KCTD19: variants seen among roughly 807,000 people sequenced by gnomAD.
The protein encoded by KCTD19 is BTB/POZ domain-containing protein KCTD19.
In KCTD19, 67 loss-of-function variants were observed where a neutral mutation model predicts 103.5. That is an observed-to-expected ratio of 0.65 (90% CI 0.53 to 0.79). The LOEUF (loss-of-function observed/expected upper bound fraction) is 0.79, where lower values mean the gene tolerates loss of function less well. Among genes scored for constraint, KCTD19 ranks in the 30% least tolerant of loss-of-function variants. KCTD19 has a pLI of 0.00. For synonymous variants in KCTD19, 439 were observed against 452.2 expected (o/e 0.97, Z 0.37); for missense variants, 980 against 1,136.1 (o/e 0.86, Z 1.98).
At chr16:67,295,867 C>T (rs1597393220) in intron 8 of KCTD19, 1 of 395,976 alleles carries the variant, frequency 2.5e-6, no homozygotes, top group East Asian at 5.1e-5. Context: ...GCTTCAGCCT[C>T]CCAAGTATCT....
At chr16:67,309,151 AGAAAG>A (rs2036925305) in intron 2 of KCTD19, among the ~76,000 whole-genome samples, 1 of 151,780 alleles carries the variant, frequency 6.6e-6, no homozygotes, top group South Asian at 2.1e-4. Context: ...AAAAGAAAAA[AGAAAG>A]AAAGAAAGAA....
chr16:67,294,532 GGTA>G, intron 11 of KCTD19, 45 bp downstream of exon 11: 1 of 1,313,516 alleles, frequency 7.6e-7, no homozygotes, highest in East Asian at 2.3e-5. Flanking sequence ...TGAGCCCGGT[GGTA>G]GTGGTTTTTG....
intron 2 of KCTD19, among the ~76,000 whole-genome samples, chr16:67,310,797 T>C (rs561650399): frequency 6.6e-6 from 1 of 152,126 alleles, no homozygotes; most frequent in Admixed American, 6.5e-5. Flanking sequence ...ATGTAGGCTG[T>C]TGGAAAGAAT....
Position 67,296,166 on chromosome 16 carries a change from A to G in KCTD19, c.1241T>C (p.Leu414Pro). The change falls in exon 8 of 16, where the codon CTG becomes CCG. Residue 414 changes from leucine to proline, a missense_variant. By Grantham distance (98) the Leu-to-Pro change is moderately conservative (BLOSUM62 -3). Coordinates refer to ENST00000304372, the MANE Select transcript of KCTD19 (RefSeq NM_001100915.3). ...AGCCGAGGCCGTCAGTACCTTCAGCAGTGTCTGCAGGGTGGTTGCGTACCA... is the reference window on the plus strand; with the variant it reads ...AGCCGAGGCCGTCAGTACCTTCAGCGGTGTCTGCAGGGTGGTTGCGTACCA... ...SHWYATTLQT[L>P]LKYPELLSNP... 2 of 1,602,630 alleles carry G rather than the reference A, an allele frequency of 1.2e-6. No homozygotes were observed. Among genetic ancestry groups the G allele is most frequent in the Non-Finnish European group, 1.7e-6 (2 of 1,169,526 alleles).
At chr16:67,292,020 C>T (rs1016111063) in intron 12 of KCTD19, among the ~76,000 whole-genome samples, 183 bp from the exon 13 acceptor site, 1 of 152,142 alleles carries the variant, frequency 6.6e-6, no homozygotes, top group Non-Finnish European at 1.5e-5. Context: ...ATTACAGGCA[C>T]CTGCCACCAC....
At position 67,325,376 on chromosome 16, in the gene KCTD19, C is replaced by CTTTATTTTATTTTATTTTAT. The variant is rs544654868; in HGVS notation, c.3+1309_3+1328dup. 2.1e-3 allele frequency among the ~76,000 whole-genome samples: 302 copies of CTTTATTTTATTTTATTTTAT among 145,680 alleles called. 3 individuals carry two copies. The highest frequency in any genetic ancestry group is 7.5e-3 in the African/African-American group (278 of 36,952). ...TACAGGCGCCCGCCACCACGCCCGG[C>CTTTATTTTATTTTATTTTAT]TTTATTTTATTTTATTTTATTTTAT... On this transcript the variant is annotated intron_variant, in intron 1 of 15. Coordinates refer to ENST00000304372, the MANE Select transcript of KCTD19 (RefSeq NM_001100915.3).
Position 67,293,023 on chromosome 16 carries a change from C to T in KCTD19, c.2218+521G>A, listed in dbSNP as rs1290644015. 6.6e-6 allele frequency among the ~76,000 whole-genome samples: 1 copy of T among 152,162 alleles called. No individual in the cohort carries two copies. The highest frequency in any genetic ancestry group is 1.5e-5 in the Non-Finnish European group (1 of 68,036). On this transcript the variant is annotated intron_variant, in intron 12 of 15. Coordinates refer to ENST00000304372, the MANE Select transcript of KCTD19 (RefSeq NM_001100915.3). The surrounding 1 kb of genome is among the most constrained non-coding windows in gnomAD (Gnocchi z 4.0). ...GAATACCTAGCTCCTGCTGCATTTCCTCTGCTCCTGGAGCAAACTTTCTGA... is the reference window on the plus strand; with the variant it reads ...GAATACCTAGCTCCTGCTGCATTTCTTCTGCTCCTGGAGCAAACTTTCTGA...
At chr16:67,314,789 T>C (rs2142519106) in intron 2 of KCTD19, among the ~76,000 whole-genome samples, 1 of 140,426 alleles carries the variant, frequency 7.1e-6, no homozygotes, top group Admixed American at 7.1e-5. Context: ...ATGGTTTTTT[T>C]CACTTAGCAT....
rs1181887843 is a variant in KCTD19, at chr16:67,303,736, C to T, written c.452-399G>A. On this transcript the variant is annotated intron_variant, in intron 3 of 15. Coordinates refer to ENST00000304372, the MANE Select transcript of KCTD19 (RefSeq NM_001100915.3). The surrounding 1 kb of genome is among the most constrained non-coding windows in gnomAD (Gnocchi z 4.3). ...CTAATTTTTGTGTTTTCAGTAGAGA[C>T]GGGGTTTCACCATGTTGTCAGGCTG... 6.6e-6 allele frequency among the ~76,000 whole-genome samples: 1 copy of T among 151,994 alleles called. No individual in the cohort carries two copies. The highest frequency in any genetic ancestry group is 1.5e-5 in the Non-Finnish European group (1 of 67,998).
chr16:67,295,337 G>A lies in KCTD19; in HGVS notation c.1317C>T (p.His439=), dbSNP rs377515785. Residue 439 remains histidine, a synonymous_variant, in exon 9 of 16, where the codon CAC becomes CAT. Transcript: ENST00000304372. ...TGTGTCGGAACATCTGGCCATCCCC[G>A]TGGATGAGCAGGGTTTGTCCATATG... ...WITYGQTLLI[H]GDGQMFRHIL... 32 of 1,613,986 alleles carry A rather than the reference G, an allele frequency of 2.0e-5. No homozygotes were observed. Among genetic ancestry groups the A allele is most frequent in the African/African-American group, 2.7e-5 (2 of 74,920 alleles).
rs771914695 is a variant in KCTD19, at chr16:67,294,013, G to T, written c.1749C>A (p.Gly583=). Residue 583 remains glycine, a synonymous_variant, in exon 12 of 16, where the codon GGC becomes GGA. Coordinates refer to ENST00000304372, the MANE Select transcript of KCTD19 (RefSeq NM_001100915.3). ...GGCAGTGTGAGTATGTGCTAGGGTT[G>T]CCAGCCCTCTTGGCATTTCGGCATA... ...VSLCRNAKRA[G]NPSTYSHCRG... 6.2e-7 allele frequency: 1 copy of T among 1,614,154 alleles called. No homozygotes were observed. Among genetic ancestry groups the T allele is most frequent in the Admixed American group, 1.7e-5 (1 of 60,020 alleles).
chr16:67,303,384 G>T lies in KCTD19; in HGVS notation c.452-47C>A. ...GTGTTGCCACCTCTCAGAAGCCAGG[G>T]ATCTGATTCCAGCAGGGCTTTCACT... On this transcript the variant is annotated intron_variant, in intron 3 of 15. Transcript: ENST00000304372. This position sits in a 1 kb window ranked among gnomAD's most constrained non-coding sequence, Gnocchi z 4.3. 1 of 1,521,644 alleles carries T rather than the reference G, an allele frequency of 6.6e-7. No homozygotes were observed. The highest frequency in any genetic ancestry group is 1.9e-5 in the Admixed American group (1 of 52,324). The allele number at this position is 1,521,644 out of a possible 1,614,324, so 94.3% of individuals were successfully genotyped here. A position where few individuals can be genotyped will look rare whatever the true frequency, so the allele number is the denominator to read the frequency against.
At chr16:67,309,693 G>A (rs560014514) in intron 2 of KCTD19, among the ~76,000 whole-genome samples, 3 of 152,306 alleles carry the variant, frequency 2.0e-5, no homozygotes, top group Admixed American at 1.3e-4. Context: ...AATTGGCCAC[G>A]TGGGAGAAGG....
chr16:67,299,206 T>C (rs891349044), intron 6 of KCTD19, among the ~76,000 whole-genome samples, 157 bp downstream of exon 6: 3 of 152,276 alleles, frequency 2.0e-5, no homozygotes, highest in African/African-American at 7.2e-5. Context: ...AACCTGGTGG[T>C]AGTGTGGCGG....
At chr16:67,290,179 T>C (rs1304956567) in intron 15 of KCTD19, among the ~76,000 whole-genome samples, 2 of 133,570 alleles carry the variant, frequency 1.5e-5, no homozygotes, top group Non-Finnish European at 3.2e-5. Context: ...TTTTTTTTTT[T>C]TTTTTTTTTT....
chr16:67,305,655 T>C (rs778982887), intron 2 of KCTD19: 3 of 453,558 alleles, frequency 6.6e-6, no homozygotes, highest in South Asian at 4.7e-5. Context: ...CCCTCCCTTT[T>C]TTTTTCTGTC....
chr16:67,311,462 C>T (rs1229383897), intron 2 of KCTD19, among the ~76,000 whole-genome samples: 1 of 152,094 alleles, frequency 6.6e-6, no homozygotes, highest in African/African-American at 2.4e-5. Flanking sequence ...GCCACCACGC[C>T]TGGCTAATTT....
intron 1 of KCTD19, 56 bp downstream of exon 1, chr16:67,326,649 G>A (rs746024679): frequency 2.6e-6 from 4 of 1,561,066 alleles, no homozygotes; most frequent in East Asian, 4.9e-5. Context: ...TGGCCACAGC[G>A]GCCCCCATTC....
chr16:67,291,758 G>GA lies in KCTD19; in HGVS notation c.2297_2298insT (p.Val768ArgfsTer12). On this transcript the variant is annotated frameshift_variant, in exon 13 of 16. Transcript: ENST00000304372. LOFTEE classifies it high-confidence loss of function. ...AGAAGCCATCGCTGCCCACCACGGG[G>GA]GGGTGAGTCACTTTGAGGATAACCC... 1.2e-6 allele frequency: 2 copies of GA among 1,614,146 alleles called. No individual in the cohort carries two copies. Among genetic ancestry groups the GA allele is most frequent in the Non-Finnish European group, 1.7e-6 (2 of 1,179,988 alleles).
Sources: allele counts gnomAD v4.1 joint callset (sites outside exome capture counted in the v4.1 genomes callset), GRCh38; gene constraint gnomAD v4.1.1; non-coding constraint Gnocchi (gnomAD v3.1); transcripts MANE v1.5; gene names NCBI Gene and HGNC (gene_info 2026-07-23, HGNC 2026-07-21).